Variants in ADAP1 observed in about 807,000 individuals in gnomAD.
The protein encoded by ADAP1 is ArfGAP with dual PH domains 1, also known as arf-GAP with dual PH domain-containing protein 1.
ADAP1 carries 31 observed loss-of-function variants against 54.9 expected under a neutral mutation model. The ratio of observed to expected loss-of-function variants is 0.56; its 90% CI spans 0.42 to 0.76. The LOEUF is 0.76. Ranked by LOEUF, ADAP1 falls within the 30% of genes least tolerant of loss-of-function variation. The pLI is 0.00. For synonymous variants in ADAP1, 313 were observed against 202.6 expected, an observed-to-expected ratio of 1.55 and a Z score of -4.63; for missense variants, 535 against 512.4, an observed-to-expected ratio of 1.04 and a Z score of -0.42.
chr7:948,598 T>C (rs1293579917), intron 1 of ADAP1, among the ~76,000 whole-genome samples: 1 of 152,138 alleles, frequency 6.6e-6, no homozygotes, highest in Non-Finnish European at 1.5e-5. Context: ...ACCTGGACAG[T>C]GACTTGGGGT....
chr7:911,042 C>T (rs2128100856), intron 4 of ADAP1, among the ~76,000 whole-genome samples: 1 of 152,330 alleles, frequency 6.6e-6, no homozygotes, highest in East Asian at 1.9e-4. Context: ...CTCTCCGACC[C>T]ATTAATGCAC....
Position 926,984 on chromosome 7 carries a change from G to T in ADAP1, c.214-340C>A. On this transcript the variant is annotated intron_variant, in intron 2 of 10. Coordinates refer to ENST00000265846, the MANE Select transcript of ADAP1 (RefSeq NM_006869.4). This position sits in a 1 kb window ranked among gnomAD's most constrained non-coding sequence, Gnocchi z 4.6. Reference sequence around the variant, plus strand: ...CCGGGTGTCCCGTGGGAGAGAGCTGGCTGCATCCTGTGACCCCCATCTCTG... The same window carrying T: ...CCGGGTGTCCCGTGGGAGAGAGCTGTCTGCATCCTGTGACCCCCATCTCTG... 1 of 1,263,710 alleles carries T rather than the reference G, an allele frequency of 7.9e-7. No individual in the cohort carries two copies. Among genetic ancestry groups the T allele is most frequent in the Non-Finnish European group, 1.0e-6 (1 of 979,288 alleles). 78.3% of individuals were successfully genotyped at this position (1,263,710 alleles called of 1,614,324 possible).
intron 1 of ADAP1, among the ~76,000 whole-genome samples, chr7:954,100 G>C (rs985194784): frequency 1.3e-5 from 2 of 152,080 alleles, no homozygotes; most frequent in Non-Finnish European, 2.9e-5. Context: ...CGGGCGGTCC[G>C]CGGTGACCGT....
At chr7:912,039 C>T (rs73254033) in intron 4 of ADAP1, among the ~76,000 whole-genome samples, 2,734 of 152,320 alleles carry the variant, frequency 0.018, 85 homozygotes, top group African/African-American at 0.061. Flanking sequence ...CACCATCGTC[C>T]CCACTATATG....
Position 937,176 on chromosome 7 carries a change from C to G in ADAP1, c.83-1671G>C, listed in dbSNP as rs1366585102. ...GCCTCTGGGATTTGGGGGTCACGCC[C>G]GACCTCTGGGATTTGGGGGTCACGC... On this transcript the variant is annotated intron_variant, in intron 1 of 10. Transcript: ENST00000265846. 5.8e-3 allele frequency among the ~76,000 whole-genome samples: 455 copies of G among 78,324 alleles called. 13 individuals carry two copies. The highest frequency in any genetic ancestry group is 8.3e-3 in the Non-Finnish European group (316 of 38,084). The allele number at this position is 78,324 out of a possible 152,430, so 51.4% of individuals were successfully genotyped here. A position where few individuals can be genotyped will look rare whatever the true frequency, so the allele number is the denominator to read the frequency against.
At chr7:927,943 C>G (rs1168637494) in intron 2 of ADAP1, among the ~76,000 whole-genome samples, 1 of 151,558 alleles carries the variant, frequency 6.6e-6, no homozygotes, top group Non-Finnish European at 1.5e-5. Context: ...CAGCCGGGGA[C>G]AGGGGCTCAC....
intron 1 of ADAP1, among the ~76,000 whole-genome samples, chr7:941,910 T>G (rs1157864632): frequency 6.6e-6 from 1 of 152,178 alleles, no homozygotes; most frequent in Non-Finnish European, 1.5e-5. Context: ...AAAATTACAG[T>G]TATCAAGACA....
In ADAP1 at chr7:954,586, C is replaced by T. The variant is rs1045421988; in HGVS notation, c.-109G>A. On this transcript the variant is annotated 5_prime_UTR_variant, in exon 1 of 11. Transcript: ENST00000265846. ...CGCCGCCGCCGCCCCTGCGCCATCCCGGGCGGCCTCAGCCCGCGCGCCGGT... is the reference window on the plus strand; with the variant it reads ...CGCCGCCGCCGCCCCTGCGCCATCCTGGGCGGCCTCAGCCCGCGCGCCGGT... The T allele has an allele frequency of 5.7e-5, 56 of 985,530 alleles. No individual in the cohort carries two copies. The highest frequency in any genetic ancestry group is 6.1e-5 in the Non-Finnish European group (51 of 831,440). The allele number at this position is 985,530 out of a possible 1,614,324, so 61.0% of individuals were successfully genotyped here.
At chr7:907,828 C>G (rs1365650509) in intron 4 of ADAP1, among the ~76,000 whole-genome samples, 1 of 152,152 alleles carries the variant, frequency 6.6e-6, no homozygotes, top group East Asian at 1.9e-4. Context: ...TGGGTGCAGA[C>G]TCTCCTGGGA....
chr7:918,696 T>TA (rs1846033506), intron 4 of ADAP1, among the ~76,000 whole-genome samples: 1 of 152,146 alleles, frequency 6.6e-6, no homozygotes, highest in Non-Finnish European at 1.5e-5. Context: ...GCCCTAGGGC[T>TA]AGGCTTGCCT....
intron 4 of ADAP1, among the ~76,000 whole-genome samples, chr7:906,528 A>G (rs1419626390): frequency 3.0e-4 from 11 of 37,198 alleles, no homozygotes; most frequent in Admixed American, 5.6e-4. Flanking sequence ...GGAGAAAGGG[A>G]AAGGAGAAAG....
At chr7:940,423 TAAATC>T (rs1295641628) in intron 1 of ADAP1, among the ~76,000 whole-genome samples, 2 of 151,744 alleles carry the variant, frequency 1.3e-5, no homozygotes, top group Admixed American at 6.6e-5. Flanking sequence ...GAGAGCCAGT[TAAATC>T]AAGTGTGTTG....
rs991452662 is a variant in ADAP1, at chr7:946,443, G to T, written c.82+7953C>A. Among the ~76,000 whole-genome samples the T allele has an allele frequency of 6.6e-6, 1 of 152,050 alleles. No homozygotes were observed. Among genetic ancestry groups the T allele is most frequent in the Non-Finnish European group, 1.5e-5 (1 of 68,012 alleles). Reference sequence around the variant, plus strand: ...ACAGGCCCTCCCAGGACCCAGATCCGCTGGCCCCTACCCGGTTCAGGGACA... The same window carrying T: ...ACAGGCCCTCCCAGGACCCAGATCCTCTGGCCCCTACCCGGTTCAGGGACA... On this transcript the variant is annotated intron_variant, in intron 1 of 10. Transcript: ENST00000265846. This position sits in a 1 kb window ranked among gnomAD's most constrained non-coding sequence, Gnocchi z 4.3.
chr7:922,189 C>T (rs1183845385), intron 3 of ADAP1, among the ~76,000 whole-genome samples: 3 of 152,198 alleles, frequency 2.0e-5, no homozygotes, highest in Non-Finnish European at 4.4e-5. Flanking sequence ...GGCTTCGGGC[C>T]ACCTGGCAGC....
intron 2 of ADAP1, among the ~76,000 whole-genome samples, chr7:930,584 C>T (rs1443650044): frequency 2.0e-5 from 3 of 151,342 alleles, no homozygotes; most frequent in South Asian, 2.1e-4. Flanking sequence ...TTTGGGAGGC[C>T]GAGGGGGATG....
At chr7:936,522 G>A (rs1846764254) in intron 1 of ADAP1, among the ~76,000 whole-genome samples, 1 of 152,222 alleles carries the variant, frequency 6.6e-6, no homozygotes, top group Admixed American at 6.5e-5. Context: ...TTCTGCTGCT[G>A]CACGTGTGAA....
chr7:920,986 G>T lies in ADAP1; in HGVS notation c.306-936C>A. ...GAATCCTCGCCCACAGGATCTGATGGGTGATGGGTCCCAGCTGGGTCTCTG... is the reference window on the plus strand; with the variant it reads ...GAATCCTCGCCCACAGGATCTGATGTGTGATGGGTCCCAGCTGGGTCTCTG... On this transcript the variant is annotated intron_variant, in intron 3 of 10. Coordinates refer to ENST00000265846, the MANE Select transcript of ADAP1 (RefSeq NM_006869.4). This position sits in a 1 kb window ranked among gnomAD's most constrained non-coding sequence, Gnocchi z 4.5. The T allele has an allele frequency of 1.1e-6, 1 of 930,408 alleles. No individual in the cohort carries two copies. Among genetic ancestry groups the T allele is most frequent in the Non-Finnish European group, 1.6e-6 (1 of 614,524 alleles). The allele number at this position is 930,408 out of a possible 1,614,324, so 57.6% of individuals were successfully genotyped here. A position where few individuals can be genotyped will look rare whatever the true frequency, so the allele number is the denominator to read the frequency against.
rs949367317 is a variant in ADAP1 at position 898,811 on chromosome 7, G to GAGGAGCAGGT, written c.*100_*109dup. 6.8e-7 allele frequency: 1 copy of GAGGAGCAGGT among 1,466,804 alleles called. No individual in the cohort carries two copies. Among genetic ancestry groups the GAGGAGCAGGT allele is most frequent in the African/African-American group, 1.4e-5 (1 of 71,454 alleles). 90.9% of individuals were successfully genotyped at this position (1,466,804 alleles called of 1,614,324 possible). ...CTACCTGGCCGCGCCGGGCTGCCCT[G>GAGGAGCAGGT]AGGAGCAGGTGGGGCCAGGTGGCCT... is the stretch of plus-strand genomic sequence containing the variant. On this transcript the variant is annotated 3_prime_UTR_variant, in exon 11 of 11. Coordinates refer to ENST00000265846, the MANE Select transcript of ADAP1 (RefSeq NM_006869.4).
chr7:930,320 G>C (rs1846528907), intron 2 of ADAP1, among the ~76,000 whole-genome samples: 1 of 149,356 alleles, frequency 6.7e-6, no homozygotes. Flanking sequence ...GCAACCCCTA[G>C]AAGATGAAAA....
Sources: allele counts gnomAD v4.1 joint callset (sites outside exome capture counted in the v4.1 genomes callset), GRCh38; gene constraint gnomAD v4.1.1; non-coding constraint Gnocchi (gnomAD v3.1); transcripts MANE v1.5; gene names NCBI Gene and HGNC (gene_info 2026-07-23, HGNC 2026-07-21).